CDK2AP1: variants seen among roughly 807,000 people sequenced by gnomAD.
CDK2AP1 encodes cyclin-dependent kinase 2-associated protein 1.
Under a neutral mutation model 14.1 loss-of-function variants are expected in CDK2AP1, and 10 were observed. That is an observed-to-expected ratio of 0.71 (90% CI 0.44 to 1.20). CDK2AP1 has a LOEUF of 1.20. Ranked by LOEUF, CDK2AP1 falls within the 50% of genes most tolerant of loss-of-function variation. The pLI is 0.00. For missense variants in CDK2AP1, 102 were observed against 149.9 expected, an observed-to-expected ratio of 0.68 and a Z score of 1.67; for synonymous variants, 59 against 59.8, an observed-to-expected ratio of 0.99 and a Z score of 0.06.
Position 123,265,360 on chromosome 12 carries a change from G to A in CDK2AP1, c.154-38C>T, listed in dbSNP as rs758300525. On this transcript the variant is annotated intron_variant, in intron 2 of 3. Coordinates refer to ENST00000261692, the MANE Select transcript of CDK2AP1 (RefSeq NM_004642.4). This position sits in a 1 kb window ranked among gnomAD's most constrained non-coding sequence, Gnocchi z 5.3. ...AGAAATGGGTTCAGCAAAATCAGCCGGGCGTGGTGGTGCGTGCCTGTAGTC... is the reference window on the plus strand; with the variant it reads ...AGAAATGGGTTCAGCAAAATCAGCCAGGCGTGGTGGTGCGTGCCTGTAGTC... The A allele has an allele frequency of 1.2e-5, 19 of 1,611,764 alleles. No individual in the cohort carries two copies. Among genetic ancestry groups the A allele is most frequent in the East Asian group, 8.9e-5 (4 of 44,842 alleles).
intron 3 of CDK2AP1, among the ~76,000 whole-genome samples, chr12:123,263,747 G>A (rs1316474661): frequency 2.0e-5 from 3 of 152,198 alleles, no homozygotes; most frequent in African/African-American, 4.8e-5. Flanking sequence ...ACTGGCCCTC[G>A]TGTCACTGGG....
At chr12:123,268,082 G>A (rs1000385704) in intron 1 of CDK2AP1, 7 of 678,130 alleles carry the variant, frequency 1.0e-5, no homozygotes, top group African/African-American at 3.9e-5. Flanking sequence ...CTAGGAGCAC[G>A]CGGCCCCGCA....
intron 2 of CDK2AP1, 69 bp downstream of exon 2, chr12:123,267,116 T>C: frequency 2.1e-6 from 2 of 943,866 alleles, no homozygotes; most frequent in Non-Finnish European, 3.5e-6. Flanking sequence ...CACCAACTTC[T>C]CTCCTCTGAT....
intron 1 of CDK2AP1, chr12:123,267,501 T>C (rs1593297293): frequency 2.0e-6 from 1 of 496,502 alleles, no homozygotes; most frequent in Admixed American, 3.2e-5. Flanking sequence ...CAGCCGCTGG[T>C]CCTCACAGAG....
Position 123,261,557 on chromosome 12 carries a change from A to C in CDK2AP1, c.*179T>G. The C allele has an allele frequency of 1.9e-6, 1 of 538,404 alleles. No individual in the cohort carries two copies. Among genetic ancestry groups the C allele is most frequent in the Non-Finnish European group, 3.3e-6 (1 of 302,582 alleles). The allele number at this position is 538,404 out of a possible 1,614,324, so 33.4% of individuals were successfully genotyped here. A position where few individuals can be genotyped will look rare whatever the true frequency, so the allele number is the denominator to read the frequency against. On this transcript the variant is annotated 3_prime_UTR_variant, in exon 4 of 4. Coordinates refer to ENST00000261692, the MANE Select transcript of CDK2AP1 (RefSeq NM_004642.4). The stretch of plus-strand genomic sequence containing the variant: ...CCTAACTACTTAAAATGCAAATCCT[A>C]ATTAACTGCAAAATCTTTTCTCAAT...
At chr12:123,268,246 C>G (rs1480133790) in intron 1 of CDK2AP1, 1 of 985,434 alleles carries the variant, frequency 1.0e-6, no homozygotes, top group South Asian at 4.7e-5. Flanking sequence ...GTGGGCGCCG[C>G]AGACTTGGCC....
chr12:123,269,800 G>A (rs1052764762), intron 1 of CDK2AP1, among the ~76,000 whole-genome samples: 3 of 152,198 alleles, frequency 2.0e-5, no homozygotes, highest in Non-Finnish European at 2.9e-5. Flanking sequence ...TGATGACAAG[G>A]AAGCCGGAGG....
Position 123,261,779 on chromosome 12 carries a change from A to T in CDK2AP1, c.305T>A (p.Val102Asp). ...TTCCGTTTCTGCCAAGCACTCCCGA[A>T]CCAGTCCTCTAGCGTGAATGATGCC... ...KRGIIHARGL[V>D]RECLAETERN... The change falls in exon 4 of 4, where the codon GTT (valine) becomes GAT (aspartate). Residue 102 changes from valine (V) to aspartate (D), a missense_variant. Physicochemically the swap from Val to Asp is radical, Grantham distance 152 (BLOSUM62 -3). Around this residue, in one of 2 missense-constraint regions of CDK2AP1, gnomAD observed 52 missense variants for 107.2 expected, o/e 0.48. Coordinates refer to ENST00000261692, the MANE Select transcript of CDK2AP1 (RefSeq NM_004642.4). 6.2e-7 allele frequency: 1 copy of T among 1,613,938 alleles called. No homozygotes were observed. The highest frequency in any genetic ancestry group is 8.5e-7 in the Non-Finnish European group (1 of 1,179,802).
At chr12:123,269,517 G>A (rs1040464580) in intron 1 of CDK2AP1, among the ~76,000 whole-genome samples, 1 of 152,246 alleles carries the variant, frequency 6.6e-6, no homozygotes. Context: ...AGCGAAGGCC[G>A]TCTCGGCGCA....
upstream of CDK2AP1, chr12:123,272,169 G>T (rs2048360229): frequency 6.6e-6 from 1 of 152,174 alleles, no homozygotes; most frequent in African/African-American, 2.4e-5. Flanking sequence ...GGAGAAAATG[G>T]TGGCGAGTGG....
At chr12:123,271,459 C>T (rs997366792) in intron 1 of CDK2AP1, 105 bp downstream of exon 1, 1 of 514,090 alleles carries the variant, frequency 1.9e-6, no homozygotes, top group Non-Finnish European at 2.5e-6. Context: ...CCTGAGCCCC[C>T]CGCCCCCGGC....
Position 123,261,684 on chromosome 12 carries a change from G to A in CDK2AP1, c.*52C>T. Reference sequence around the variant, plus strand: ...TTCATCTGAACAGGGGAGATGAACTGTAACTTCTCATCTTGTAAAAAGATG... The same window carrying A: ...TTCATCTGAACAGGGGAGATGAACTATAACTTCTCATCTTGTAAAAAGATG... On this transcript the variant is annotated 3_prime_UTR_variant, in exon 4 of 4. Transcript: ENST00000261692. 2.0e-6 allele frequency: 3 copies of A among 1,467,158 alleles called. No individual in the cohort carries two copies. The highest frequency in any genetic ancestry group is 1.9e-6 in the Non-Finnish European group (2 of 1,045,772). 90.9% of individuals were successfully genotyped at this position (1,467,158 alleles called of 1,614,324 possible). A position where few individuals can be genotyped will look rare whatever the true frequency, so the allele number is the denominator to read the frequency against.
At chr12:123,266,613 T>A (rs1229596497) in intron 2 of CDK2AP1, among the ~76,000 whole-genome samples, 6 of 152,018 alleles carry the variant, frequency 3.9e-5, no homozygotes, top group Non-Finnish European at 7.4e-5. Flanking sequence ...GGGCTGGGGG[T>A]ACTAGGATCA....
intron 1 of CDK2AP1, chr12:123,271,152 C>G (rs1326327678): frequency 7.1e-6 from 3 of 421,054 alleles, no homozygotes; most frequent in Non-Finnish European, 9.5e-6. Context: ...CTCCCCAGGG[C>G]GGCGGGGCCC....
At position 123,261,446 on chromosome 12, in the gene CDK2AP1, T is replaced by A; in HGVS notation, c.*290A>T. The A allele has an allele frequency of 2.8e-6, 1 of 356,328 alleles. No homozygotes were observed. The highest frequency in any genetic ancestry group is 5.2e-6 in the Non-Finnish European group (1 of 191,426). 22.1% of individuals were successfully genotyped at this position (356,328 alleles called of 1,614,324 possible). ...AGATTAAAGGGAGACAATGGTGTCT[T>A]GGAGGCAAACTACAGTTTGCTGTAA... On this transcript the variant is annotated 3_prime_UTR_variant, in exon 4 of 4. Coordinates refer to ENST00000261692, the MANE Select transcript of CDK2AP1 (RefSeq NM_004642.4).
intron 3 of CDK2AP1, among the ~76,000 whole-genome samples, chr12:123,262,807 C>G (rs1178576966): frequency 2.6e-5 from 4 of 152,206 alleles, no homozygotes; most frequent in Non-Finnish European, 5.9e-5. Flanking sequence ...TCCCAAACTG[C>G]TGGATTACAG....
intron 1 of CDK2AP1, chr12:123,270,830 C>G: frequency 1.0e-6 from 1 of 985,438 alleles, no homozygotes; most frequent in Non-Finnish European, 1.2e-6. Context: ...CCCCCACGCC[C>G]GCGCGCGGGC....
At chr12:123,263,563 C>T (rs547691013) in intron 3 of CDK2AP1, among the ~76,000 whole-genome samples, 1 of 152,296 alleles carries the variant, frequency 6.6e-6, no homozygotes, top group East Asian at 1.9e-4. Flanking sequence ...GCCCTGGGAC[C>T]ACCCAACTCT....
intron 3 of CDK2AP1, chr12:123,262,048 G>T: frequency 2.5e-6 from 1 of 406,362 alleles, no homozygotes; most frequent in Non-Finnish European, 4.4e-6. Context: ...CTGCATTCAA[G>T]GTGCACCAGC....
Sources: gnomAD v4.1 joint callset for allele counts (sites outside exome capture counted in the v4.1 genomes callset) on GRCh38, gnomAD v4.1.1 for gene constraint, gnomAD v4.1.1 regional missense constraint, Gnocchi (gnomAD v3.1) non-coding constraint, MANE v1.5 for transcripts, NCBI Gene and HGNC (gene_info 2026-07-23, HGNC 2026-07-21) for gene names.